CHURC1: variants seen among roughly 807,000 people sequenced by gnomAD.
CHURC1 encodes the protein protein Churchill.
A neutral mutation model predicts 15.4 loss-of-function variants in CHURC1; 12 were observed. The observed-to-expected ratio is 0.78, with a 90% CI of 0.50 to 1.27. The LOEUF is 1.27. Among genes scored for constraint, CHURC1 ranks in the 50% most tolerant of loss-of-function variants. The pLI is 0.00. For synonymous variants in CHURC1, 42 were observed against 47.5 expected (o/e 0.88, Z 0.48); for missense variants, 132 against 137.8 (o/e 0.96, Z 0.21).
intron 1 of CHURC1, among the ~76,000 whole-genome samples, chr14:64,915,491 G>A (rs1343738069): frequency 3.9e-5 from 6 of 152,218 alleles, no homozygotes; most frequent in Non-Finnish European, 7.4e-5. Context: ...TCTAAGACTT[G>A]AAGGACAGTT....
chr14:64,926,597 C>T (rs1421665197), intron 3 of CHURC1, among the ~76,000 whole-genome samples: 2 of 152,164 alleles, frequency 1.3e-5, no homozygotes, highest in East Asian at 3.8e-4. Flanking sequence ...CTGTCAACTG[C>T]CACCATACTT....
At chr14:64,924,156 G>A in intron 2 of CHURC1, 30 bp downstream of exon 2, 2 of 1,574,562 alleles carry the variant, frequency 1.3e-6, no homozygotes, top group South Asian at 1.2e-5. Flanking sequence ...TAACCTGAGT[G>A]TGTTAGCAGG....
intron 3 of CHURC1, among the ~76,000 whole-genome samples, chr14:64,930,477 A>C (rs567231942): frequency 2.0e-5 from 3 of 152,326 alleles, no homozygotes; most frequent in Admixed American, 1.3e-4. Flanking sequence ...TCTGTGGGAA[A>C]TTGCTTTTGA....
At chr14:64,924,419 A>G (rs1884540757) in intron 2 of CHURC1, 1 of 202,048 alleles carries the variant, frequency 4.9e-6, no homozygotes, top group African/African-American at 2.3e-5. Context: ...CTGCCTTAAC[A>G]AGATATACTT....
chr14:64,934,725 T>C lies in CHURC1; in HGVS notation c.*2495T>C. ...TAGCAGCATTAAGCCCATTATAGCC[T>C]CTGAATTGTCCCTTCCTTGAGTTTG... On this transcript the variant is annotated 3_prime_UTR_variant, in exon 4 of 4. Transcript: ENST00000549115. The C allele has an allele frequency of 2.0e-6, 2 of 985,458 alleles. No homozygotes were observed. 61.0% of individuals were successfully genotyped at this position (985,458 alleles called of 1,614,324 possible).
At chr14:64,925,170 A>G (rs1331110270) in intron 2 of CHURC1, among the ~76,000 whole-genome samples, 5 of 152,138 alleles carry the variant, frequency 3.3e-5, no homozygotes, top group Non-Finnish European at 7.3e-5. Flanking sequence ...CTTATCTCTA[A>G]AAAGGTGGTG....
intron 1 of CHURC1, 122 bp from the exon 2 acceptor site, chr14:64,923,869 T>A: frequency 3.3e-6 from 3 of 909,574 alleles, no homozygotes; most frequent in Non-Finnish European, 4.3e-6. Flanking sequence ...GTATATGACC[T>A]AGAAGTAAAT....
chr14:64,931,663 G>A (rs1019712239), intron 3 of CHURC1, among the ~76,000 whole-genome samples: 1 of 152,116 alleles, frequency 6.6e-6, no homozygotes, highest in Non-Finnish European at 1.5e-5. Flanking sequence ...CAGACAACTA[G>A]CCATCTGAAA....
intron 2 of CHURC1, 128 bp downstream of exon 2, chr14:64,924,254 T>C: frequency 8.8e-7 from 1 of 1,134,954 alleles, no homozygotes; most frequent in Non-Finnish European, 1.1e-6. Flanking sequence ...TAGTTAGGTC[T>C]TTAAGAGGAA....
Position 64,934,112 on chromosome 14 carries a change from G to A in CHURC1, c.*1882G>A, listed in dbSNP as rs532746049. ...AATCCCAGCACTTTGGGAGGCCAAAGCAGGCGGATCACCTGAGGTCAGGAG... is the reference window on the plus strand; with the variant it reads ...AATCCCAGCACTTTGGGAGGCCAAAACAGGCGGATCACCTGAGGTCAGGAG... On this transcript the variant is annotated 3_prime_UTR_variant, in exon 4 of 4. Coordinates refer to ENST00000549115, the MANE Select transcript of CHURC1 (RefSeq NM_001386928.1). 75 of 907,740 alleles carry A rather than the reference G, an allele frequency of 8.3e-5. No homozygotes were observed. The South Asian group carries it at 3.6e-3, about 43-fold the overall frequency. The allele number at this position is 907,740 out of a possible 1,614,324, so 56.2% of individuals were successfully genotyped here. A position where few individuals can be genotyped will look rare whatever the true frequency, so the allele number is the denominator to read the frequency against.
intron 3 of CHURC1, chr14:64,930,929 T>G (rs763373803): frequency 2.2e-6 from 1 of 444,788 alleles, no homozygotes; most frequent in South Asian, 1.6e-5. Flanking sequence ...CTGCCACAAC[T>G]AAGCTCCCCT....
chr14:64,922,064 A>T (rs1298173566), intron 1 of CHURC1, among the ~76,000 whole-genome samples: 1 of 152,194 alleles, frequency 6.6e-6, no homozygotes, highest in African/African-American at 2.4e-5. Flanking sequence ...GCAAGACTGG[A>T]GATGGAAATC....
At position 64,932,155 on chromosome 14, in the gene CHURC1, T is replaced by C; in HGVS notation, c.264T>C (p.Cys88=). 1 of 1,613,848 alleles carries C rather than the reference T, an allele frequency of 6.2e-7. No homozygotes were observed. ...TGTTCTAGGAGTATACCATGCTGTG[T>C]CTGTTATGCGGCAAAGCCGAAGATA... is the stretch of plus-strand genomic sequence containing the variant. ...MDEFQEYTML[C]LLCGKAEDTI... The change falls in exon 4 of 4, where the codon TGT becomes TGC. Residue 88 remains cysteine (C), a synonymous_variant. Coordinates refer to ENST00000549115, the MANE Select transcript of CHURC1 (RefSeq NM_001386928.1).
At position 64,932,173 on chromosome 14, in the gene CHURC1, C is replaced by T. The variant is rs778953181; in HGVS notation, c.282C>T (p.Ala94=). 14 of 1,613,788 alleles carry T rather than the reference C, an allele frequency of 8.7e-6. No homozygotes were observed. Among genetic ancestry groups the T allele is most frequent in the East Asian group, 6.7e-5 (3 of 44,872 alleles). The change falls in exon 4 of 4, where the codon GCC becomes GCT. Residue 94 remains alanine, a synonymous_variant. Transcript: ENST00000549115. ...YTMLCLLCGK[A]EDTISILPDD... ...TGCTGTGTCTGTTATGCGGCAAAGC[C>T]GAAGATACTATCAGTATTCTCCCTG...
At chr14:64,928,492 C>G (rs1594902158) in intron 3 of CHURC1, among the ~76,000 whole-genome samples, 3 of 152,298 alleles carry the variant, frequency 2.0e-5, no homozygotes, top group East Asian at 3.9e-4. Flanking sequence ...TCAAACAGTC[C>G]TCCTGCCTCA....
In CHURC1 at chr14:64,924,100, A is replaced by T. The variant is rs1175714673; in HGVS notation, c.149A>T (p.Asp50Val). ...LITNKSLKEE[D>V]GEEIVTYDHL... Reference sequence around the variant, plus strand: ...ACAAACAAATCCTTGAAAGAAGAAGATGGAGAAGAAATAGTTACCTATGAT... The same window carrying T: ...ACAAACAAATCCTTGAAAGAAGAAGTTGGAGAAGAAATAGTTACCTATGAT... The change falls in exon 2 of 4, where the codon GAT (aspartate) becomes GTT (valine). Residue 50 changes from aspartate (D) to valine (V), a missense_variant. Transcript: ENST00000549115. 2 of 1,609,118 alleles carry T rather than the reference A, an allele frequency of 1.2e-6. No individual in the cohort carries two copies. The highest frequency in any genetic ancestry group is 2.2e-5 in the East Asian group (1 of 44,720).
At chr14:64,931,166 A>C (rs1295820933) in intron 3 of CHURC1, among the ~76,000 whole-genome samples, 1 of 152,234 alleles carries the variant, frequency 6.6e-6, no homozygotes, top group Non-Finnish European at 1.5e-5. Flanking sequence ...AAAGGCTTTT[A>C]AATGAAAGGT....
chr14:64,919,869 G>GT (rs984744147), intron 1 of CHURC1, among the ~76,000 whole-genome samples: 2 of 151,526 alleles, frequency 1.3e-5, no homozygotes, highest in African/African-American at 4.9e-5. Flanking sequence ...GGGTGACAGA[G>GT]TGAGACCATG....
At chr14:64,928,567 C>CTATTTTCCT (rs1157915068) in intron 3 of CHURC1, among the ~76,000 whole-genome samples, 1 of 152,108 alleles carries the variant, frequency 6.6e-6, no homozygotes, top group Non-Finnish European at 1.5e-5. Flanking sequence ...GGTCTTTACC[C>CTATTTTCCT]TATTTTCCTT....
Sources: gnomAD v4.1 joint callset for allele counts (sites outside exome capture counted in the v4.1 genomes callset) on GRCh38, gnomAD v4.1.1 for gene constraint, MANE v1.5 for transcripts, NCBI Gene and HGNC (gene_info 2026-07-23, HGNC 2026-07-21) for gene names.